The following ZNF547 variants were observed in gnomAD, a reference collection of about 807,000 sequenced individuals.
ZNF547 encodes zinc finger protein 547.
A neutral mutation model predicts 7.7 loss-of-function variants in ZNF547; 4 were observed. The observed-to-expected ratio is 0.52, with a 90% CI of 0.26 to 1.20. The LOEUF (loss-of-function observed/expected upper bound fraction) is 1.20. Among genes scored for constraint, ZNF547 ranks in the 50% most tolerant of loss-of-function variants. ZNF547 has a pLI of 0.14. For missense variants in ZNF547, 449 were observed against 485.8 expected (o/e 0.92, Z 0.71); for synonymous variants, 166 against 166.2 (o/e 1.00, Z 0.01).
chr19:57,370,727 C>A (rs1280624532), intron 2 of ZNF547, among the ~76,000 whole-genome samples: 1 of 152,162 alleles, frequency 6.6e-6, no homozygotes, highest in Non-Finnish European at 1.5e-5. Context: ...TGGATCCCCC[C>A]ACGGGAGGCC....
At chr19:57,364,448 A>G in intron 1 of ZNF547, 1 of 207,364 alleles carries the variant, frequency 4.8e-6, no homozygotes, top group Non-Finnish European at 9.8e-6. Flanking sequence ...GATTCTTCAA[A>G]AGAATAGAGG....
At chr19:57,374,040 C>T (rs1325430967) in intron 3 of ZNF547, among the ~76,000 whole-genome samples, 4 of 152,112 alleles carry the variant, frequency 2.6e-5, no homozygotes, top group Non-Finnish European at 5.9e-5. Context: ...ATTTCCCTTC[C>T]TGCAGTGCCC....
chr19:57,370,207 T>G (rs1181828393), intron 2 of ZNF547, among the ~76,000 whole-genome samples: 1 of 152,088 alleles, frequency 6.6e-6, no homozygotes, highest in Non-Finnish European at 1.5e-5. Context: ...TCTTCAGGCT[T>G]AACAGGAAGC....
In ZNF547 at chr19:57,365,171, C is replaced by A. The variant is rs775281617; in HGVS notation, c.-13+1468C>A. ...TTATATATAAAATTTTCAATGAATC[C>A]ATTTTATGAACCCAATTCTCCTATT... On this transcript the variant is annotated intron_variant, in intron 1 of 3. Transcript: ENST00000282282. 1.7e-5 allele frequency: 27 copies of A among 1,593,720 alleles called. No individual in the cohort carries two copies. In the East Asian group the frequency reaches 3.4e-4, roughly 20 times the overall value.
At chr19:57,365,800 C>T (rs1299627606) in intron 1 of ZNF547, among the ~76,000 whole-genome samples, 1 of 151,242 alleles carries the variant, frequency 6.6e-6, no homozygotes, top group Non-Finnish European at 1.5e-5. Flanking sequence ...AGCCACCACT[C>T]CCGGCCATGA....
intron 3 of ZNF547, among the ~76,000 whole-genome samples, chr19:57,376,437 C>T (rs983824225): frequency 1.3e-5 from 2 of 152,142 alleles, no homozygotes; most frequent in African/African-American, 4.8e-5. Context: ...TTTCTGTAAC[C>T]GGTTACAGGG....
Position 57,377,599 on chromosome 19 carries a change from G to A in ZNF547, c.623G>A (p.Gly208Glu), listed in dbSNP as rs1449587015. ...TLNRHQRTHT[G>E]ERPYECNECG... is the part of the protein sequence containing the mutation. ...AATAGACATCAGAGAACTCACACTG[G>A]AGAAAGGCCTTATGAGTGCAATGAA... The change falls in exon 4 of 4, where the codon GGA becomes GAA. Residue 208 changes from glycine to glutamate, a missense_variant. Physicochemically the swap from Gly to Glu is moderately conservative, Grantham distance 98. Coordinates refer to ENST00000282282, the MANE Select transcript of ZNF547 (RefSeq NM_173631.4). The A allele has an allele frequency of 6.2e-6, 10 of 1,614,054 alleles. No individual in the cohort carries two copies. Among genetic ancestry groups the A allele is most frequent in the Non-Finnish European group, 8.5e-6 (10 of 1,180,036 alleles).
intron 3 of ZNF547, among the ~76,000 whole-genome samples, chr19:57,372,484 A>G (rs1249465097): frequency 6.6e-6 from 1 of 152,186 alleles, no homozygotes; most frequent in Non-Finnish European, 1.5e-5. Flanking sequence ...CTGGTACCCA[A>G]GAGGGTGGAT....
chr19:57,370,786 A>G (rs1344764176), intron 2 of ZNF547, among the ~76,000 whole-genome samples: 1 of 152,122 alleles, frequency 6.6e-6, no homozygotes, highest in Non-Finnish European at 1.5e-5. Context: ...TGTGTGCTGG[A>G]CACGGTGGCC....
intron 3 of ZNF547, among the ~76,000 whole-genome samples, chr19:57,376,756 G>T (rs953731683): frequency 6.6e-6 from 1 of 152,030 alleles, no homozygotes; most frequent in Non-Finnish European, 1.5e-5. Flanking sequence ...AGTTTCTTCA[G>T]ACCCCCAATA....
At chr19:57,374,203 C>T (rs2088522740) in intron 3 of ZNF547, among the ~76,000 whole-genome samples, 1 of 152,252 alleles carries the variant, frequency 6.6e-6, no homozygotes, top group Admixed American at 6.5e-5. Context: ...CATGTGCAAG[C>T]CACCAAGGCT....
At chr19:57,374,484 T>C (rs747158385) in intron 3 of ZNF547, among the ~76,000 whole-genome samples, 17 of 152,308 alleles carry the variant, frequency 1.1e-4, no homozygotes, top group African/African-American at 1.4e-4. Context: ...CTGGAGACAT[T>C]TTCCCCATCA....
At chr19:57,364,613 C>T (rs1019860997) in intron 1 of ZNF547, 6 of 589,560 alleles carry the variant, frequency 1.0e-5, no homozygotes, top group African/African-American at 1.9e-5. Context: ...TGGTGACGCG[C>T]GCCTGTAATC....
At chr19:57,366,593 A>AGG (rs1600075262) in intron 1 of ZNF547, among the ~76,000 whole-genome samples, 1 of 129,086 alleles carries the variant, frequency 7.7e-6, no homozygotes, top group East Asian at 2.3e-4. Flanking sequence ...TCTGTCGTCC[A>AGG]GGCTGGAGTG....
rs374851259 is a variant in ZNF547, at chr19:57,377,969, A to G, written c.993A>G (p.Lys331=). The change falls in exon 4 of 4, where the codon AAA becomes AAG. Residue 331 remains lysine (K), a synonymous_variant. Coordinates refer to ENST00000282282, the MANE Select transcript of ZNF547 (RefSeq NM_173631.4). The part of the protein sequence containing the change: ...ERPYECNECG[K]FFSLKSVLIQ... ...CTTATGAGTGCAATGAATGTGGGAA[A>G]TTCTTCAGCTTGAAATCCGTCCTCA... 4 of 1,614,082 alleles carry G rather than the reference A, an allele frequency of 2.5e-6. No individual in the cohort carries two copies. Among genetic ancestry groups the G allele is most frequent in the Non-Finnish European group, 3.4e-6 (4 of 1,179,958 alleles).
At position 57,378,228 on chromosome 19, in the gene ZNF547, C is replaced by A; in HGVS notation, c.*43C>A. 6.5e-7 allele frequency: 1 copy of A among 1,541,798 alleles called. No homozygotes were observed. The highest frequency in any genetic ancestry group is 8.8e-7 in the Non-Finnish European group (1 of 1,133,224). ...TGGATATGGGAAAGCCTTCAGTCAC[C>A]AACATATTGTGGCTGGACAGCAGGC... On this transcript the variant is annotated 3_prime_UTR_variant, in exon 4 of 4. Transcript: ENST00000282282.
At chr19:57,373,891 G>A (rs181271472) in intron 3 of ZNF547, among the ~76,000 whole-genome samples, 113 of 152,336 alleles carry the variant, frequency 7.4e-4, no homozygotes, top group African/African-American at 2.5e-3. Flanking sequence ...CTGGCATTGA[G>A]TGTCTCTGGC....
chr19:57,375,521 G>C (rs2088530789), intron 3 of ZNF547, among the ~76,000 whole-genome samples: 1 of 151,818 alleles, frequency 6.6e-6, no homozygotes. Flanking sequence ...AATTAGCCGG[G>C]CATGGTGGCT....
chr19:57,364,525 A>C (rs1299027551), intron 1 of ZNF547: 1 of 413,964 alleles, frequency 2.4e-6, no homozygotes, highest in East Asian at 5.2e-5. Context: ...AGCGGATCAC[A>C]AGGTCAGGCG....
Sources: gnomAD v4.1 joint callset for allele counts (sites outside exome capture counted in the v4.1 genomes callset) on GRCh38, gnomAD v4.1.1 for gene constraint, MANE v1.5 for transcripts, NCBI Gene and HGNC (gene_info 2026-07-23, HGNC 2026-07-21) for gene names.